JAGN1: variants seen among roughly 807,000 people sequenced by gnomAD.
JAGN1 encodes jagunal vesicle mediated transporter 1.
In JAGN1, 13 loss-of-function variants were observed where a neutral mutation model predicts 17.1. The observed-to-expected ratio is 0.76, with a 90% CI of 0.49 to 1.21. The LOEUF (loss-of-function observed/expected upper bound fraction) is 1.21, where lower values mean the gene tolerates loss of function less well. JAGN1 is among the 50% of genes most tolerant of loss of function. JAGN1 has a pLI of 0.00. For synonymous variants in JAGN1, 111 were observed against 91.0 expected, an observed-to-expected ratio of 1.22 and a Z score of -1.25; for missense variants, 256 against 234.2, an observed-to-expected ratio of 1.09 and a Z score of -0.61.
At position 9,890,678 on chromosome 3, in the gene JAGN1, G is replaced by A. The variant is rs1205066776; in HGVS notation, c.-45G>A. The A allele has an allele frequency of 5.1e-6, 8 of 1,555,018 alleles. No individual in the cohort carries two copies. The highest frequency in any genetic ancestry group is 6.1e-6 in the Non-Finnish European group (7 of 1,142,578). Reference sequence around the variant, plus strand: ...GTGGGCCGCTTGGCGGTGTCGTTGCGGTACCAGGTCCGCGTGAGGGGTTCG... The same window carrying A: ...GTGGGCCGCTTGGCGGTGTCGTTGCAGTACCAGGTCCGCGTGAGGGGTTCG... On this transcript the variant is annotated 5_prime_UTR_variant, in exon 1 of 2. Coordinates refer to ENST00000647897, the MANE Select transcript of JAGN1 (RefSeq NM_032492.4).
chr3:9,892,341 G>T lies in JAGN1; in HGVS notation c.90-574G>T, dbSNP rs200370866. On this transcript the variant is annotated intron_variant, in intron 1 of 1. Transcript: ENST00000647897. ...CTGCCTTTTTATTAGTAGTATTGTTGTTGTTTTTTTTTTTTATGGAGATGG... is the reference window on the plus strand; with the variant it reads ...CTGCCTTTTTATTAGTAGTATTGTTTTTGTTTTTTTTTTTTATGGAGATGG... Among the ~76,000 whole-genome samples the T allele has an allele frequency of 5.9e-3, 854 of 145,758 alleles. 11 individuals carry two copies. The highest frequency in any genetic ancestry group is 0.029 in the South Asian group (135 of 4,604).
chr3:9,892,671 C>T (rs1575467246), intron 1 of JAGN1: 1 of 520,212 alleles, frequency 1.9e-6, no homozygotes, highest in East Asian at 3.3e-5. Context: ...AGATAGCCAT[C>T]TCTGACATTC....
At chr3:9,891,916 C>G (rs138361524) in intron 1 of JAGN1, among the ~76,000 whole-genome samples, 4 of 152,298 alleles carry the variant, frequency 2.6e-5, no homozygotes, top group African/African-American at 4.8e-5. Context: ...TTCCTCTCTG[C>G]CAATACCTTC....
chr3:9,893,162 G>C lies in JAGN1; in HGVS notation c.337G>C (p.Ala113Pro), dbSNP rs762886186. The C allele has an allele frequency of 2.5e-6, 4 of 1,614,098 alleles. No individual in the cohort carries two copies. The South Asian group carries it at 3.3e-5, about 13-fold the overall frequency. ...SMISMGLFSI[A>P]PLIYGSMEMF... The stretch of plus-strand genomic sequence containing the variant: ...GATCAGCATGGGACTCTTTTCCATC[G>C]CTCCACTCATTTATGGCAGCATGGA... The change falls in exon 2 of 2, where the codon GCT becomes CCT. Residue 113 changes from alanine (A) to proline (P), a missense_variant. Physicochemically the swap from Ala to Pro is conservative, Grantham distance 27. Coordinates refer to ENST00000647897, the MANE Select transcript of JAGN1 (RefSeq NM_032492.4).
Position 9,893,244 on chromosome 3 carries a change from T to C in JAGN1, c.419T>C (p.Phe140Ser), listed in dbSNP as rs1461879862. Residue 140 changes from phenylalanine (F) to serine (S), a missense_variant, in exon 2 of 2, where the codon TTT becomes TCT. Coordinates refer to ENST00000647897, the MANE Select transcript of JAGN1 (RefSeq NM_032492.4). ...CATGGCAAGGCCTACCGTTTCCTCT[T>C]TGGTTTTTCTGCCGTTTCCATCATG... is the stretch of plus-strand genomic sequence containing the variant. ...YRHGKAYRFL[F>S]GFSAVSIMYL... 1.2e-6 allele frequency: 2 copies of C among 1,614,194 alleles called. No homozygotes were observed. The highest frequency in any genetic ancestry group is 2.2e-5 in the East Asian group (1 of 44,888).
At position 9,891,638 on chromosome 3, in the gene JAGN1, C is replaced by A. The variant is rs538074630; in HGVS notation, c.89+827C>A. Among the ~76,000 whole-genome samples the A allele has an allele frequency of 4.2e-3, 635 of 151,932 alleles. 3 individuals are homozygous for A. The highest frequency in any genetic ancestry group is 6.0e-3 in the Non-Finnish European group (405 of 67,970). On this transcript the variant is annotated intron_variant, in intron 1 of 1. Coordinates refer to ENST00000647897, the MANE Select transcript of JAGN1 (RefSeq NM_032492.4). Reference sequence around the variant, plus strand: ...ACTTCCTTAAATCCATTGATCTCTCCCAGAATGTTCTTCACATCTCTCTCT... The same window carrying A: ...ACTTCCTTAAATCCATTGATCTCTCACAGAATGTTCTTCACATCTCTCTCT...
Position 9,890,696 on chromosome 3 carries a change from G to T in JAGN1, c.-27G>T. On this transcript the variant is annotated 5_prime_UTR_variant, in exon 1 of 2. The change creates a new upstream start codon in the 5' untranslated region. Transcript: ENST00000647897. ...TCGTTGCGGTACCAGGTCCGCGTGA[G>T]GGGTTCGGGGGTTCTGGGCAGGCAC... 6.3e-7 allele frequency: 1 copy of T among 1,590,810 alleles called. No homozygotes were observed.
rs527968298 is a variant in JAGN1 at position 9,893,301 on chromosome 3, A to G, written c.476A>G (p.His159Arg). The G allele has an allele frequency of 1.2e-6, 2 of 1,614,168 alleles. No homozygotes were observed. Among genetic ancestry groups the G allele is most frequent in the African/African-American group, 1.3e-5 (1 of 75,044 alleles). The change falls in exon 2 of 2, where the codon CAT becomes CGT. Residue 159 changes from histidine (H) to arginine (R), a missense_variant. Coordinates refer to ENST00000647897, the MANE Select transcript of JAGN1 (RefSeq NM_032492.4). ...GTGTTGGTGTTGGCAGTGCAAGTGCATGCCTGGCAGTTGTACTACAGCAAG... is the reference window on the plus strand; with the variant it reads ...GTGTTGGTGTTGGCAGTGCAAGTGCGTGCCTGGCAGTTGTACTACAGCAAG... Reference protein sequence around the residue: ...YLVLVLAVQVHAWQLYYSKKL... With the variant: ...YLVLVLAVQVRAWQLYYSKKL...
intron 1 of JAGN1, among the ~76,000 whole-genome samples, chr3:9,891,294 G>A (rs926293615): frequency 6.6e-6 from 1 of 152,198 alleles, no homozygotes; most frequent in African/African-American, 2.4e-5. Context: ...GTAAAAGGCA[G>A]CCTTTCCTAA....
In JAGN1 at chr3:9,892,908, C is replaced by T; in HGVS notation, c.90-7C>T. On this transcript the variant is annotated splice_region_variant and splice_polypyrimidine_tract_variant and intron_variant, in intron 1 of 1. Transcript: ENST00000647897. ...AAAGATACTTCTCCCTCTGCTCTGC[C>T]CCACAGTGTGACTCTCAAGTATGAA... is the stretch of plus-strand genomic sequence containing the variant. The T allele has an allele frequency of 3.1e-6, 5 of 1,593,402 alleles. No homozygotes were observed. Among genetic ancestry groups the T allele is most frequent in the Non-Finnish European group, 4.3e-6 (5 of 1,162,126 alleles).
At chr3:9,890,867 C>A in intron 1 of JAGN1, 56 bp downstream of exon 1, 1 of 1,431,360 alleles carries the variant, frequency 7.0e-7, no homozygotes. Context: ...GCCTGCGGGG[C>A]TTGGGGAGCG....
chr3:9,892,519 T>TC (rs2082569881), intron 1 of JAGN1, among the ~76,000 whole-genome samples: 2 of 152,108 alleles, frequency 1.3e-5, no homozygotes, highest in African/African-American at 4.8e-5. Context: ...ACTACCCCTC[T>TC]CCCCCTAACA....
Position 9,890,733 on chromosome 3 carries a change from G to C in JAGN1, c.11G>C (p.Arg4Pro), listed in dbSNP as rs569985954. 13 of 1,608,430 alleles carry C rather than the reference G, an allele frequency of 8.1e-6. No homozygotes were observed. Among genetic ancestry groups the C allele is most frequent in the South Asian group, 6.7e-5 (6 of 89,780 alleles). The change falls in exon 1 of 2, where the codon CGA (arginine) becomes CCA (proline). Residue 4 changes from arginine (R) to proline (P), a missense_variant. Coordinates refer to ENST00000647897, the MANE Select transcript of JAGN1 (RefSeq NM_032492.4). MAS[R>P]AGPRAAGTDG... ...TTCTGGGCAGGCACAATGGCGTCTC[G>C]AGCAGGCCCGCGAGCGGCCGGCACC...
At position 9,893,980 on chromosome 3, in the gene JAGN1, T is replaced by C. The variant is rs2082580318; in HGVS notation, c.*603T>C. 1 of 153,650 alleles carries C rather than the reference T, an allele frequency of 6.5e-6. No individual in the cohort carries two copies. Among genetic ancestry groups the C allele is most frequent in the African/African-American group, 2.4e-5 (1 of 41,444 alleles). The allele number at this position is 153,650 out of a possible 1,614,324, so 9.5% of individuals were successfully genotyped here. Reference sequence around the variant, plus strand: ...TAGCAGTGGCCATAGAGAAGTAGACTGGGTATGGGGAACCTAAGTCATAGT... The same window carrying C: ...TAGCAGTGGCCATAGAGAAGTAGACCGGGTATGGGGAACCTAAGTCATAGT... On this transcript the variant is annotated 3_prime_UTR_variant, in exon 2 of 2. Transcript: ENST00000647897.
At position 9,893,880 on chromosome 3, in the gene JAGN1, G is replaced by T. The variant is rs1224502998; in HGVS notation, c.*503G>T. 6.2e-6 allele frequency: 1 copy of T among 161,708 alleles called. No homozygotes were observed. Among genetic ancestry groups the T allele is most frequent in the Non-Finnish European group, 1.4e-5 (1 of 72,848 alleles). 10.0% of individuals were successfully genotyped at this position (161,708 alleles called of 1,614,324 possible). Reference sequence around the variant, plus strand: ...TGCCTTGTGTTTGGGGCTTGATAGAGTGTGAAAGGTGTGTTGCTTGAAAGG... The same window carrying T: ...TGCCTTGTGTTTGGGGCTTGATAGATTGTGAAAGGTGTGTTGCTTGAAAGG... On this transcript the variant is annotated 3_prime_UTR_variant, in exon 2 of 2. Transcript: ENST00000647897.
intron 1 of JAGN1, among the ~76,000 whole-genome samples, 190 bp downstream of exon 1, chr3:9,891,001 C>T (rs926433488): frequency 6.6e-6 from 1 of 152,228 alleles, no homozygotes; most frequent in Non-Finnish European, 1.5e-5. Flanking sequence ...CCCGCGAGCT[C>T]CACCCCTTGT....
Position 9,893,432 on chromosome 3 carries a change from G to A in JAGN1, c.*55G>A. Reference sequence around the variant, plus strand: ...CATCGAATGAAAGGACACTAGTACAGCGGTTCCAAAATCCCTTCTGGTGAT... The same window carrying A: ...CATCGAATGAAAGGACACTAGTACAACGGTTCCAAAATCCCTTCTGGTGAT... On this transcript the variant is annotated 3_prime_UTR_variant, in exon 2 of 2. Transcript: ENST00000647897. 1 of 1,373,008 alleles carries A rather than the reference G, an allele frequency of 7.3e-7. No individual in the cohort carries two copies. The highest frequency in any genetic ancestry group is 9.8e-7 in the Non-Finnish European group (1 of 1,018,480). 85.1% of individuals were successfully genotyped at this position (1,373,008 alleles called of 1,614,324 possible).
intron 1 of JAGN1, chr3:9,892,703 C>G: frequency 1.8e-6 from 1 of 557,140 alleles, no homozygotes; most frequent in Non-Finnish European, 3.2e-6. Flanking sequence ...GAGTTGATTC[C>G]TCCTTCCTGT....
intron 1 of JAGN1, 62 bp from the exon 2 acceptor site, chr3:9,892,853 T>C: frequency 1.9e-6 from 2 of 1,078,794 alleles, no homozygotes; most frequent in East Asian, 2.4e-5. Flanking sequence ...TACAGTTGTC[T>C]GGCATATAGT....
Sources: gnomAD v4.1 joint callset for allele counts (sites outside exome capture counted in the v4.1 genomes callset) on GRCh38, gnomAD v4.1.1 for gene constraint, MANE v1.5 for transcripts, NCBI Gene and HGNC (gene_info 2026-07-23, HGNC 2026-07-21) for gene names.